The following PPP2R5D variants were observed in gnomAD, a reference collection of about 807,000 sequenced individuals.
PPP2R5D encodes the protein protein phosphatase 2 regulatory subunit B'delta.
In PPP2R5D, 12 loss-of-function variants were observed where a neutral mutation model predicts 79.1. The observed-to-expected ratio is 0.15, with a 90% CI of 0.10 to 0.25. The LOEUF (loss-of-function observed/expected upper bound fraction) is 0.25. Among genes scored for constraint, PPP2R5D ranks in the 10% least tolerant of loss-of-function variants. PPP2R5D has a pLI of 1.00. For synonymous variants in PPP2R5D, 277 were observed against 286.6 expected (o/e 0.97, Z 0.34); for missense variants, 419 against 760.2 (o/e 0.55, Z 5.28).
At position 43,012,194 on chromosome 6, in the gene PPP2R5D, G is replaced by A. The variant is rs1048652108; in HGVS notation, c.*908G>A. 43 of 1,141,872 alleles carry A rather than the reference G, an allele frequency of 3.8e-5. No homozygotes were observed. Among genetic ancestry groups the A allele is most frequent in the Non-Finnish European group, 4.4e-5 (41 of 930,616 alleles). The allele number at this position is 1,141,872 out of a possible 1,614,324, so 70.7% of individuals were successfully genotyped here. A position where few individuals can be genotyped will look rare whatever the true frequency, so the allele number is the denominator to read the frequency against. On this transcript the variant is annotated 3_prime_UTR_variant, in exon 16 of 16. Transcript: ENST00000485511. Reference sequence around the variant, plus strand: ...GAGGGGCCAGGGGCTGAGGAAGGCCGGACCCAGGTTCCAGGGGCGCAGGCA... The same window carrying A: ...GAGGGGCCAGGGGCTGAGGAAGGCCAGACCCAGGTTCCAGGGGCGCAGGCA...
chr6:42,997,619 C>T (rs1269063651), intron 2 of PPP2R5D, among the ~76,000 whole-genome samples: 2 of 151,984 alleles, frequency 1.3e-5, no homozygotes, highest in Non-Finnish European at 2.9e-5. Flanking sequence ...AAGCAATTCT[C>T]CTGCCTCAAC....
chr6:43,011,096 G>T (rs1003570995), intron 15 of PPP2R5D, 53 bp from the exon 16 acceptor site: 57 of 1,612,906 alleles, frequency 3.5e-5, no homozygotes, highest in Non-Finnish European at 4.7e-5. Flanking sequence ...CGGAACAATA[G>T]AATTCACTGG....
intron 2 of PPP2R5D, among the ~76,000 whole-genome samples, chr6:42,995,992 G>T (rs1479315325): frequency 7.2e-6 from 1 of 139,324 alleles, no homozygotes; most frequent in Non-Finnish European, 1.5e-5. Context: ...CTCCCGAGTA[G>T]CTGGGACTTT....
chr6:43,008,112 G>A lies in PPP2R5D; in HGVS notation c.857+47G>A. ...TAGGAGCAAAACCTTCTGCTACTGA[G>A]GTGGGGTGGGAGCAGGGAGGTGGGG... On this transcript the variant is annotated intron_variant, in intron 7 of 15. Transcript: ENST00000485511. The surrounding 1 kb of genome is among the most constrained non-coding windows in gnomAD (Gnocchi z 4.2). 1 of 1,613,822 alleles carries A rather than the reference G, an allele frequency of 6.2e-7. No individual in the cohort carries two copies. The highest frequency in any genetic ancestry group is 1.3e-5 in the African/African-American group (1 of 75,038).
chr6:42,987,631 A>G (rs1770948524), intron 1 of PPP2R5D, among the ~76,000 whole-genome samples: 1 of 152,132 alleles, frequency 6.6e-6, no homozygotes. Context: ...TCTGTGCTAC[A>G]CAGCATTTGA....
chr6:43,006,616 C>A lies in PPP2R5D; in HGVS notation c.259C>A (p.Gln87Lys), dbSNP rs781367211. The A allele has an allele frequency of 6.2e-7, 1 of 1,614,146 alleles. No individual in the cohort carries two copies. The highest frequency in any genetic ancestry group is 2.2e-5 in the East Asian group (1 of 44,880). ...GPQIVKKERRQSSSRFNLSKN... is the reference protein window; with the variant it reads ...GPQIVKKERRKSSSRFNLSKN... ...CCAGATTGTCAAGAAGGAGCGACGGCAAAGCTCCTCCCGCTTCAACCTCAG... is the reference window on the plus strand; with the variant it reads ...CCAGATTGTCAAGAAGGAGCGACGGAAAAGCTCCTCCCGCTTCAACCTCAG... The change falls in exon 3 of 16, where the codon CAA (glutamine) becomes AAA (lysine). Residue 87 changes from glutamine to lysine, a missense_variant. Around this residue, in one of 5 missense-constraint regions of PPP2R5D, gnomAD observed 110 missense variants for 147.6 expected, o/e 0.75. Coordinates refer to ENST00000485511, the MANE Select transcript of PPP2R5D (RefSeq NM_006245.4). The surrounding 1 kb of genome is among the most constrained non-coding windows in gnomAD (Gnocchi z 4.7).
chr6:42,995,189 G>T (rs1033301677), intron 2 of PPP2R5D, among the ~76,000 whole-genome samples: 5 of 144,718 alleles, frequency 3.5e-5, no homozygotes, highest in Non-Finnish European at 7.4e-5. Flanking sequence ...GGAGTACAGT[G>T]GTACAATCAT....
At position 43,009,300 on chromosome 6, in the gene PPP2R5D, C is replaced by T. The variant is rs764973319; in HGVS notation, c.1252-22C>T. On this transcript the variant is annotated intron_variant, in intron 11 of 15. Transcript: ENST00000485511. This position sits in a 1 kb window ranked among gnomAD's most constrained non-coding sequence, Gnocchi z 5.6. ...CTTGAGTGAAATGAGCAGCACCCAC[C>T]GAGTCTGCCTCTCCCCACCAGGTGG... 38 of 1,613,972 alleles carry T rather than the reference C, an allele frequency of 2.4e-5. No homozygotes were observed. Among genetic ancestry groups the T allele is most frequent in the African/African-American group, 9.3e-5 (7 of 74,900 alleles).
At chr6:42,997,780 A>T (rs1446781195) in intron 2 of PPP2R5D, among the ~76,000 whole-genome samples, 1 of 150,972 alleles carries the variant, frequency 6.6e-6, no homozygotes, top group Non-Finnish European at 1.5e-5. Context: ...TCCTGACCTC[A>T]GGCGATCCGC....
In PPP2R5D at chr6:43,007,921, C is replaced by T; in HGVS notation, c.727-14C>T. The T allele has an allele frequency of 6.2e-7, 1 of 1,613,690 alleles. No individual in the cohort carries two copies. ...GCTGCCTCACTGGCTGCTTTCCCTC[C>T]CTTGTACCCCCAGCTCCTAGACCTA... On this transcript the variant is annotated splice_polypyrimidine_tract_variant and intron_variant, in intron 6 of 15. Transcript: ENST00000485511. The surrounding 1 kb of genome is among the most constrained non-coding windows in gnomAD (Gnocchi z 4.5).
At chr6:42,986,149 A>C (rs1022199419) in intron 1 of PPP2R5D, among the ~76,000 whole-genome samples, 1 of 151,682 alleles carries the variant, frequency 6.6e-6, no homozygotes, top group Non-Finnish European at 1.5e-5. Flanking sequence ...CCTGCTCCTC[A>C]TCCGTGCCTT....
intron 2 of PPP2R5D, among the ~76,000 whole-genome samples, chr6:42,999,529 T>G (rs886276027): frequency 6.6e-6 from 1 of 152,142 alleles, no homozygotes; most frequent in African/African-American, 2.4e-5. Flanking sequence ...ACCTTAGATA[T>G]CAGCTCATTG....
Position 43,011,642 on chromosome 6 carries a change from T to G in PPP2R5D, c.*356T>G, listed in dbSNP as rs1281595256. 7.6e-6 allele frequency: 2 copies of G among 264,108 alleles called. No homozygotes were observed. Among genetic ancestry groups the G allele is most frequent in the Non-Finnish European group, 1.5e-5 (2 of 136,300 alleles). The allele number at this position is 264,108 out of a possible 1,614,324, so 16.4% of individuals were successfully genotyped here. Reference sequence around the variant, plus strand: ...CTCTATTCTTCCCTTCATCCTCATTTGAACGCCAGGTATCTCCCCTCCTCT... The same window carrying G: ...CTCTATTCTTCCCTTCATCCTCATTGGAACGCCAGGTATCTCCCCTCCTCT... On this transcript the variant is annotated 3_prime_UTR_variant, in exon 16 of 16. Coordinates refer to ENST00000485511, the MANE Select transcript of PPP2R5D (RefSeq NM_006245.4).
intron 2 of PPP2R5D, among the ~76,000 whole-genome samples, chr6:43,001,005 T>C (rs948193127): frequency 6.6e-6 from 1 of 152,072 alleles, no homozygotes; most frequent in Non-Finnish European, 1.5e-5. Context: ...GGGTGAGCAG[T>C]CACAGCGCCA....
intron 2 of PPP2R5D, among the ~76,000 whole-genome samples, chr6:42,999,360 A>G (rs555743345): frequency 1.3e-5 from 2 of 152,260 alleles, no homozygotes; most frequent in Admixed American, 1.3e-4. Context: ...GCTGGCAGAA[A>G]CAGCTGTCTC....
intron 1 of PPP2R5D, 58 bp downstream of exon 1, chr6:42,984,762 G>A: frequency 1.2e-6 from 2 of 1,607,894 alleles, no homozygotes; most frequent in Non-Finnish European, 1.7e-6. Flanking sequence ...AGCTCTGGGA[G>A]GGGCCGGAGC....
At chr6:42,998,991 C>T (rs1466986046) in intron 2 of PPP2R5D, among the ~76,000 whole-genome samples, 1 of 152,168 alleles carries the variant, frequency 6.6e-6, no homozygotes, top group African/African-American at 2.4e-5. Context: ...GCTGAGATTG[C>T]ACCACTGCAC....
chr6:43,006,572 T>C lies in PPP2R5D; in HGVS notation c.215T>C (p.Ile72Thr). Residue 72 changes from isoleucine to threonine, a missense_variant, in exon 3 of 16, where the codon ATC becomes ACC. Physicochemically the swap from Ile to Thr is moderately conservative, Grantham distance 89. Transcript: ENST00000485511. This position sits in a 1 kb window ranked among gnomAD's most constrained non-coding sequence, Gnocchi z 4.7. ...STPPPTQLSK[I>T]KYSGGPQIVK... is the part of the protein sequence containing the mutation. ...CCGCCCCCCACGCAGCTCAGCAAAATCAAGTACTCAGGGGGGCCCCAGATT... is the reference window on the plus strand; with the variant it reads ...CCGCCCCCCACGCAGCTCAGCAAAACCAAGTACTCAGGGGGGCCCCAGATT... 6.2e-7 allele frequency: 1 copy of C among 1,613,626 alleles called. No individual in the cohort carries two copies. The highest frequency in any genetic ancestry group is 1.7e-5 in the Admixed American group (1 of 59,984).
At chr6:42,998,054 TATA>T (rs1389153948) in intron 2 of PPP2R5D, among the ~76,000 whole-genome samples, 22 of 23,458 alleles carry the variant, frequency 9.4e-4, no homozygotes, top group African/African-American at 1.3e-3. Context: ...TATATATATA[TATA>T]TTTTTTTTTT....
Sources: gnomAD v4.1 joint callset for allele counts (sites outside exome capture counted in the v4.1 genomes callset) on GRCh38, gnomAD v4.1.1 for gene constraint, gnomAD v4.1.1 regional missense constraint, Gnocchi (gnomAD v3.1) non-coding constraint, MANE v1.5 for transcripts, NCBI Gene and HGNC (gene_info 2026-07-23, HGNC 2026-07-21) for gene names.